The following MTA1 variants were observed in gnomAD, a reference collection of about 807,000 sequenced individuals.
MTA1 encodes metastasis associated 1, also known as metastasis-associated protein MTA1.
Under a neutral mutation model 97.0 loss-of-function variants are expected in MTA1, and 15 were observed. The ratio of observed to expected loss-of-function variants is 0.15; its 90% CI spans 0.10 to 0.24. The LOEUF is 0.24. Among genes scored for constraint, MTA1 ranks in the 10% least tolerant of loss-of-function variants. The probability of loss-of-function intolerance (pLI) is 1.00; values close to 1 mark genes in which losing one functional copy is unlikely to be tolerated. For synonymous variants in MTA1, 435 were observed against 417.5 expected, an observed-to-expected ratio of 1.04 and a Z score of -0.51; for missense variants, 709 against 1,015.1, an observed-to-expected ratio of 0.70 and a Z score of 4.10.
chr14:105,433,549 T>C (rs2082244376), intron 1 of MTA1, among the ~76,000 whole-genome samples: 1 of 151,980 alleles, frequency 6.6e-6, no homozygotes, highest in Admixed American at 6.6e-5. Flanking sequence ...ATGCGGGCAA[T>C]CCAAGCCTGC....
rs781958975 is a variant in MTA1, at chr14:105,449,396, C to T, written c.228C>T (p.Asp76=). The T allele has an allele frequency of 1.2e-6, 2 of 1,612,150 alleles. No homozygotes were observed. Among genetic ancestry groups the T allele is most frequent in the South Asian group, 2.2e-5 (2 of 90,944 alleles). ...SVCYKAGPGA[D]NGEEGEIEEE... ...GCTATAAGGCCGGACCGGGGGCGGA[C>T]AACGGCGAGGAAGGTAAGAGCCGGC... Residue 76 remains aspartate, a synonymous_variant, in exon 4 of 21, where the codon GAC becomes GAT. Coordinates refer to ENST00000331320, the MANE Select transcript of MTA1 (RefSeq NM_004689.4).
At chr14:105,449,430 G>A (rs1555428024) in intron 4 of MTA1, 21 bp downstream of exon 4, 1 of 1,608,900 alleles carries the variant, frequency 6.2e-7, no homozygotes, top group South Asian at 1.1e-5. Context: ...GCCTCCGCAA[G>A]GAGGGCGTCC....
At chr14:105,454,515 T>G (rs909252367) in intron 7 of MTA1, 26 of 507,834 alleles carry the variant, frequency 5.1e-5, no homozygotes, top group Middle Eastern at 5.5e-4. Flanking sequence ...CCTGGTGGTG[T>G]TGGGGTTCTG....
At chr14:105,461,205 T>C (rs373470011) in intron 10 of MTA1, among the ~76,000 whole-genome samples, 1 of 152,176 alleles carries the variant, frequency 6.6e-6, no homozygotes, top group Non-Finnish European at 1.5e-5. Context: ...CCTGCCACCA[T>C]TGCGTGATGA....
At chr14:105,435,220 G>A (rs1380285010) in intron 1 of MTA1, among the ~76,000 whole-genome samples, 1 of 152,188 alleles carries the variant, frequency 6.6e-6, no homozygotes, top group Non-Finnish European at 1.5e-5. Context: ...TACGGAGATG[G>A]TCATAGGGCT....
intron 10 of MTA1, among the ~76,000 whole-genome samples, chr14:105,461,642 G>A (rs1555431058): frequency 1.3e-5 from 2 of 152,212 alleles, no homozygotes; most frequent in Admixed American, 6.5e-5. Flanking sequence ...GGGCAGCAGC[G>A]CACAGGCCAG....
Position 105,464,093 on chromosome 14 carries a change from A to C in MTA1, c.1138A>C (p.Thr380Pro). Residue 380 changes from threonine to proline, a missense_variant, in exon 13 of 21, where the codon ACG (threonine) becomes CCG (proline). Thr to Pro is a conservative substitution (Grantham distance 38, BLOSUM62 -1). Transcript: ENST00000331320. ...CGTCAAGGCCGGTGTGGTGAACGGC[A>C]CGGGGGCGCCGGGCCAGAGCCCTGG... ...NNVKAGVVNG[T>P]GAPGQSPGAG... The C allele has an allele frequency of 6.2e-7, 1 of 1,612,366 alleles. No homozygotes were observed. The highest frequency in any genetic ancestry group is 1.7e-5 in the Admixed American group (1 of 59,974).
chr14:105,435,448 A>C (rs1019784691), intron 1 of MTA1, among the ~76,000 whole-genome samples: 1 of 152,154 alleles, frequency 6.6e-6, no homozygotes, highest in Non-Finnish European at 1.5e-5. Context: ...CCACACCTGC[A>C]TAATTAAAAA....
intron 1 of MTA1, among the ~76,000 whole-genome samples, chr14:105,433,354 G>A (rs587747908): frequency 9.2e-5 from 14 of 152,260 alleles, no homozygotes; most frequent in African/African-American, 3.1e-4. Flanking sequence ...CGGTCCCTCC[G>A]TCTCAGCCCC....
intron 2 of MTA1, among the ~76,000 whole-genome samples, chr14:105,439,848 C>T (rs2082450623): frequency 6.6e-6 from 1 of 152,204 alleles, no homozygotes; most frequent in Non-Finnish European, 1.5e-5. Flanking sequence ...GCAGGCTCAC[C>T]TGGGAGAAGC....
chr14:105,463,633 C>T lies in MTA1; in HGVS notation c.1076+82C>T. On this transcript the variant is annotated intron_variant, in intron 12 of 20. Transcript: ENST00000331320. The surrounding 1 kb of genome is among the most constrained non-coding windows in gnomAD (Gnocchi z 5.9). Reference sequence around the variant, plus strand: ...CACAGGGTGCTGGGGCCAGGCGGGTCCCAAGGAAACTCAAGCTCAGAGGCT... The same window carrying T: ...CACAGGGTGCTGGGGCCAGGCGGGTTCCAAGGAAACTCAAGCTCAGAGGCT... 3 of 1,385,970 alleles carry T rather than the reference C, an allele frequency of 2.2e-6. No individual in the cohort carries two copies. In the East Asian group the frequency reaches 6.9e-5, roughly 32 times the overall value. 85.9% of individuals were successfully genotyped at this position (1,385,970 alleles called of 1,614,324 possible). A position where few individuals can be genotyped will look rare whatever the true frequency, so the allele number is the denominator to read the frequency against.
intron 2 of MTA1, among the ~76,000 whole-genome samples, chr14:105,441,728 A>C (rs1567015066): frequency 6.6e-6 from 1 of 152,264 alleles, no homozygotes; most frequent in East Asian, 1.9e-4. Flanking sequence ...CGGGAGGTGG[A>C]GCTTGCAGTG....
At chr14:105,429,500 G>A (rs1427644053) in intron 1 of MTA1, among the ~76,000 whole-genome samples, 1 of 150,072 alleles carries the variant, frequency 6.7e-6, no homozygotes, top group Admixed American at 6.6e-5. Context: ...CACCCAGGCT[G>A]GAGTGCAGTG....
Position 105,445,453 on chromosome 14 carries a change from C to T in MTA1, c.132C>T (p.Cys44=). The T allele has an allele frequency of 6.2e-7, 1 of 1,613,782 alleles. No individual in the cohort carries two copies. Among genetic ancestry groups the T allele is most frequent in the Non-Finnish European group, 8.5e-7 (1 of 1,179,980 alleles). The part of the protein sequence containing the change: ...ANGNVEAKVV[C]FYRRRDISST... The stretch of plus-strand genomic sequence containing the variant: ...GGAACGTGGAGGCCAAAGTGGTGTG[C>T]TTCTACCGGAGGCGGGACATCTCCA... Residue 44 remains cysteine (C), a synonymous_variant, in exon 3 of 21, where the codon TGC becomes TGT. Coordinates refer to ENST00000331320, the MANE Select transcript of MTA1 (RefSeq NM_004689.4).
rs587711982 is a variant in MTA1, at chr14:105,453,207, G to A, written c.433-986G>A. On this transcript the variant is annotated intron_variant, in intron 6 of 20. Coordinates refer to ENST00000331320, the MANE Select transcript of MTA1 (RefSeq NM_004689.4). ...TGGCGGGAAGGGCCGCGCCTGCTGC[G>A]CGGGTGGCGGCCGGCGGTGCTGAGC... Among the ~76,000 whole-genome samples the A allele has an allele frequency of 2.9e-3, 444 of 152,412 alleles. 13 individuals are homozygous for A. Among genetic ancestry groups the A allele is most frequent in the Middle Eastern group, 6.8e-3 (2 of 294 alleles).
chr14:105,443,106 G>A (rs587637783), intron 2 of MTA1, among the ~76,000 whole-genome samples: 3 of 152,346 alleles, frequency 2.0e-5, no homozygotes, highest in African/African-American at 7.2e-5. Context: ...CTGCGGTGGA[G>A]CCTGTCAGGG....
chr14:105,428,916 G>A (rs2082090260), intron 1 of MTA1, among the ~76,000 whole-genome samples: 1 of 151,756 alleles, frequency 6.6e-6, no homozygotes, highest in African/African-American at 2.4e-5. Flanking sequence ...GTAGAGATGG[G>A]GTCTCACTAT....
chr14:105,458,888 G>A (rs193117508), intron 8 of MTA1, among the ~76,000 whole-genome samples: 212 of 152,322 alleles, frequency 1.4e-3, no homozygotes, highest in Non-Finnish European at 2.3e-3. Context: ...GGTGGGTGCC[G>A]GGCCCTACTC....
At chr14:105,460,542 G>A in intron 9 of MTA1, 85 bp downstream of exon 9, 2 of 1,369,726 alleles carry the variant, frequency 1.5e-6, no homozygotes. Flanking sequence ...CCAGGGCCCA[G>A]CACCTGCCCC....
Sources: gnomAD v4.1 joint callset for allele counts (sites outside exome capture counted in the v4.1 genomes callset) on GRCh38, gnomAD v4.1.1 for gene constraint, Gnocchi (gnomAD v3.1) non-coding constraint, MANE v1.5 for transcripts, NCBI Gene and HGNC (gene_info 2026-07-23, HGNC 2026-07-21) for gene names.